LINGO2: variants seen among roughly 807,000 people sequenced by gnomAD.
LINGO2 encodes the protein leucine-rich repeat and immunoglobulin-like domain-containing nogo receptor-interacting protein 2.
Under a neutral mutation model 30.6 loss-of-function variants are expected in LINGO2, and 14 were observed. That is an observed-to-expected ratio of 0.46 (90% CI 0.30 to 0.72). The LOEUF (loss-of-function observed/expected upper bound fraction) is 0.72, where lower values mean the gene tolerates loss of function less well. Ranked by LOEUF, LINGO2 falls within the 30% of genes least tolerant of loss-of-function variation. The pLI, the probability that LINGO2 is intolerant of heterozygous loss-of-function variation, is 0.07. For synonymous variants in LINGO2, 317 were observed against 288.5 expected, an observed-to-expected ratio of 1.10 and a Z score of -1.00; for missense variants, 729 against 751.7, an observed-to-expected ratio of 0.97 and a Z score of 0.35.
chr9:28,075,062 T>G (rs983169459), intron 4 of LINGO2, among the ~76,000 whole-genome samples: 1 of 151,906 alleles, frequency 6.6e-6, no homozygotes, highest in Non-Finnish European at 1.5e-5. Flanking sequence ...AAGTTTCTCA[T>G]GAGGCCATTC....
chr9:28,848,126 C>CTA, the LINGO2 span, among the ~76,000 whole-genome samples: 1 of 88,832 alleles, frequency 1.1e-5, no homozygotes, highest in East Asian at 3.2e-4. Flanking sequence ...TATATATACA[C>CTA]TATATATAGC....
intron 4 of LINGO2, among the ~76,000 whole-genome samples, chr9:28,179,699 A>G (rs1022758695): frequency 1.5e-5 from 2 of 136,564 alleles, no homozygotes; most frequent in African/African-American, 5.3e-5. Context: ...TATAGTATAT[A>G]TATATTCTCT....
chr9:28,532,034 C>T (rs1821253665), intron 1 of LINGO2, among the ~76,000 whole-genome samples: 1 of 152,014 alleles, frequency 6.6e-6, no homozygotes, highest in Non-Finnish European at 1.5e-5. Flanking sequence ...CGGTAACGTT[C>T]CATTAGGAGT....
intron 1 of LINGO2, among the ~76,000 whole-genome samples, chr9:28,583,376 A>T (rs1160744636): frequency 1.3e-5 from 2 of 152,014 alleles, no homozygotes; most frequent in East Asian, 3.9e-4. Flanking sequence ...ATTTACTATT[A>T]TAGAGATTAT....
At chr9:28,104,906 A>C (rs1266154777) in intron 4 of LINGO2, among the ~76,000 whole-genome samples, 1 of 151,956 alleles carries the variant, frequency 6.6e-6, no homozygotes, top group Non-Finnish European at 1.5e-5. Flanking sequence ...CCACCGACCC[A>C]CACACACACA....
intron 3 of LINGO2, among the ~76,000 whole-genome samples, chr9:28,296,377 C>T (rs1169199702): frequency 2.0e-5 from 3 of 152,080 alleles, no homozygotes; most frequent in African/African-American, 7.2e-5. Context: ...AAATTTATTA[C>T]TATTATTTTC....
the LINGO2 span, among the ~76,000 whole-genome samples, chr9:28,774,851 GT>G: frequency 0.29 from 136 of 472 alleles, no homozygotes; most frequent in African/African-American, 0.39. Flanking sequence ...GAAAATTAAT[GT>G]TTCCCCTATT....
At chr9:28,466,155 C>A (rs1311633286) in intron 2 of LINGO2, among the ~76,000 whole-genome samples, 1 of 152,120 alleles carries the variant, frequency 6.6e-6, no homozygotes, top group Admixed American at 6.5e-5. Context: ...TGAAGAGATA[C>A]CTGCACTCCT....
At chr9:29,191,651 T>G in the LINGO2 span, among the ~76,000 whole-genome samples, 3 of 152,284 alleles carry the variant, frequency 2.0e-5, no homozygotes, top group African/African-American at 7.2e-5. Flanking sequence ...TGCTTCACTG[T>G]CTAGTTTCTC....
the LINGO2 span, among the ~76,000 whole-genome samples, chr9:29,194,093 A>G: frequency 6.6e-6 from 1 of 152,178 alleles, no homozygotes; most frequent in Non-Finnish European, 1.5e-5. Flanking sequence ...CCTTCTCTGT[A>G]AAATGGGTTG....
At chr9:28,347,956 T>A (rs1420580013) in intron 3 of LINGO2, among the ~76,000 whole-genome samples, 1 of 152,184 alleles carries the variant, frequency 6.6e-6, no homozygotes, top group East Asian at 1.9e-4. Context: ...AAATATCCCA[T>A]TAAAAAGATT....
At chr9:28,124,396 C>T (rs980670989) in intron 4 of LINGO2, among the ~76,000 whole-genome samples, 2 of 152,094 alleles carry the variant, frequency 1.3e-5, no homozygotes. Context: ...AATTTTTTTC[C>T]ACTGGCAATT....
In LINGO2 at chr9:28,043,600, T is replaced by G. The variant is rs564298130; in HGVS notation, c.-86-31195A>C. Among the ~76,000 whole-genome samples, 5 of 152,332 alleles carry G rather than the reference T, an allele frequency of 3.3e-5. No homozygotes were observed. In the South Asian group the frequency reaches 1.0e-3, roughly 32 times the overall value. On this transcript the variant is annotated intron_variant, in intron 4 of 5. Transcript: ENST00000379992. ...CCCCATTTTTGAGAACTTTTCTTTA[T>G]GGAAAGTTTCAAACATATACAAAAC...
chr9:28,865,903 G>A, the LINGO2 span, among the ~76,000 whole-genome samples: 2 of 152,098 alleles, frequency 1.3e-5, no homozygotes, highest in Non-Finnish European at 2.9e-5. Flanking sequence ...AATAATAATA[G>A]TGAAATAATC....
the LINGO2 span, among the ~76,000 whole-genome samples, chr9:28,884,387 G>C: frequency 6.6e-6 from 1 of 152,004 alleles, no homozygotes; most frequent in Non-Finnish European, 1.5e-5. Flanking sequence ...TGATCAGCAC[G>C]AAATAATCAC....
the LINGO2 span, among the ~76,000 whole-genome samples, chr9:28,829,368 G>C: frequency 1.3e-5 from 2 of 152,144 alleles, no homozygotes; most frequent in Non-Finnish European, 2.9e-5. Context: ...AAGAACTTAG[G>C]ATACAGAAGG....
the LINGO2 span, among the ~76,000 whole-genome samples, chr9:28,936,842 T>C: frequency 6.6e-6 from 1 of 152,090 alleles, no homozygotes. Flanking sequence ...TAAGCAAAAA[T>C]TTATTTTCTT....
the LINGO2 span, among the ~76,000 whole-genome samples, chr9:29,192,042 A>G: frequency 7.9e-5 from 12 of 152,160 alleles, no homozygotes; most frequent in African/African-American, 2.9e-4. Flanking sequence ...GGGATTACCT[A>G]AACTAATTAC....
chr9:28,307,327 A>T (rs939985968), intron 3 of LINGO2, among the ~76,000 whole-genome samples: 14 of 152,160 alleles, frequency 9.2e-5, no homozygotes, highest in African/African-American at 2.4e-5. Flanking sequence ...AAAGACAAAA[A>T]CCACATGATT....
Sources: gnomAD v4.1 joint callset for allele counts (sites outside exome capture counted in the v4.1 genomes callset) on GRCh38, gnomAD v4.1.1 for gene constraint, MANE v1.5 for transcripts, NCBI Gene and HGNC (gene_info 2026-07-23, HGNC 2026-07-21) for gene names.